PRKN: variants seen among roughly 807,000 people sequenced by gnomAD.
PRKN encodes the protein parkin RBR E3 ubiquitin protein ligase.
A neutral mutation model predicts 59.5 loss-of-function variants in PRKN; 56 were observed. That is an observed-to-expected ratio of 0.94 (90% confidence interval 0.76 to 1.18). PRKN has a LOEUF of 1.18. Ranked by LOEUF, PRKN falls within the 50% of genes most tolerant of loss-of-function variation. The pLI, the probability that PRKN is intolerant of heterozygous loss-of-function variation, is 0.00. For synonymous variants in PRKN, 250 were observed against 222.1 expected, an observed-to-expected ratio of 1.13 and a Z score of -1.12; for missense variants, 657 against 596.4, an observed-to-expected ratio of 1.10 and a Z score of -1.06.
At chr6:162,313,821 CA>C (rs778928629) in intron 2 of PRKN, among the ~76,000 whole-genome samples, 16 of 152,084 alleles carry the variant, frequency 1.1e-4, no homozygotes, top group Non-Finnish European at 2.2e-4. Flanking sequence ...ATTCACACAT[CA>C]ATGATTACCT....
At chr6:162,529,533 T>C (rs544796621) in intron 1 of PRKN, among the ~76,000 whole-genome samples, 25 of 152,168 alleles carry the variant, frequency 1.6e-4, no homozygotes, top group Non-Finnish European at 3.5e-4. Flanking sequence ...CAGGCAGGTC[T>C]ATGCAACCCA....
intron 8 of PRKN, among the ~76,000 whole-genome samples, chr6:161,565,362 A>G (rs1780601788): frequency 1.3e-5 from 2 of 152,074 alleles, no homozygotes; most frequent in African/African-American, 4.8e-5. Context: ...CAATTTCATT[A>G]TCCTCTCCTG....
chr6:161,404,841 A>T (rs1435660710), intron 9 of PRKN, among the ~76,000 whole-genome samples: 3 of 152,206 alleles, frequency 2.0e-5, no homozygotes, highest in Non-Finnish European at 4.4e-5. Context: ...ATTGCTACAG[A>T]GAACCTGACA....
intron 7 of PRKN, among the ~76,000 whole-genome samples, chr6:161,660,465 T>G (rs1416908790): frequency 6.6e-6 from 1 of 152,016 alleles, no homozygotes; most frequent in Non-Finnish European, 1.5e-5. Flanking sequence ...GAATAAAAAC[T>G]AAAAGGTCAT....
At chr6:161,919,903 A>G (rs1344352455) in intron 6 of PRKN, among the ~76,000 whole-genome samples, 2 of 152,220 alleles carry the variant, frequency 1.3e-5, no homozygotes, top group Non-Finnish European at 2.9e-5. Flanking sequence ...TACGTTTTTA[A>G]TTACTGTCAT....
chr6:161,580,743 G>C (rs534756734), intron 7 of PRKN, among the ~76,000 whole-genome samples: 4 of 151,948 alleles, frequency 2.6e-5, no homozygotes, highest in African/African-American at 9.6e-5. Flanking sequence ...CCCCCAAAGT[G>C]CTGCGATTAC....
chr6:162,239,475 T>C (rs1228330792), intron 3 of PRKN, among the ~76,000 whole-genome samples: 1 of 152,036 alleles, frequency 6.6e-6, no homozygotes, highest in African/African-American at 2.4e-5. Context: ...AGGCCCGGCA[T>C]GGTTAAGCGG....
intron 2 of PRKN, among the ~76,000 whole-genome samples, chr6:162,373,665 T>G (rs1274706003): frequency 2.6e-5 from 4 of 152,276 alleles, no homozygotes; most frequent in African/African-American, 9.6e-5. Context: ...TATAGGAAAT[T>G]TTAATACCCT....
intron 2 of PRKN, among the ~76,000 whole-genome samples, chr6:162,308,511 G>A (rs1782335908): frequency 6.6e-6 from 1 of 152,166 alleles, no homozygotes; most frequent in Admixed American, 6.5e-5. Flanking sequence ...ATGAGGTCAT[G>A]AAAGAAGAGA....
intron 1 of PRKN, among the ~76,000 whole-genome samples, chr6:162,660,652 G>A (rs1254138280): frequency 6.6e-6 from 1 of 152,088 alleles, no homozygotes; most frequent in East Asian, 1.9e-4. Flanking sequence ...GGAGGCTCCT[G>A]GAGGTAGAAC....
rs78931963 is a variant in PRKN at position 162,457,746 on chromosome 6, A to ATT, written c.8-14275_8-14274dup. ...TTTGTCTTATTAATAATGATGAAGT[A>ATT]TTTTTTTATAAATACTGCTTTGCTC... On this transcript the variant is annotated intron_variant, in intron 1 of 11. Transcript: ENST00000366898. Among the ~76,000 whole-genome samples, 8 of 152,080 alleles carry ATT rather than the reference A, an allele frequency of 5.3e-5. No individual in the cohort carries two copies. In the South Asian group the frequency reaches 1.2e-3, roughly 24 times the overall value.
At chr6:162,458,408 A>G (rs1254013071) in intron 1 of PRKN, among the ~76,000 whole-genome samples, 5 of 150,976 alleles carry the variant, frequency 3.3e-5, no homozygotes, top group African/African-American at 1.2e-4. Flanking sequence ...TCTGGGTGAT[A>G]AGAGCGAGAC....
Position 161,507,277 on chromosome 6 carries a change from C to T in PRKN, c.1083+41577G>A, listed in dbSNP as rs73591656. ...CTAAGATTCTGTGGGGCTAAGAAGA[C>T]GAGTGACTTTTTGTCTAAGTATCTT... is the stretch of plus-strand genomic sequence containing the variant. On this transcript the variant is annotated intron_variant, in intron 9 of 11. Coordinates refer to ENST00000366898, the MANE Select transcript of PRKN (RefSeq NM_004562.3). 5.5e-3 allele frequency among the ~76,000 whole-genome samples: 830 copies of T among 152,234 alleles called. 6 individuals are homozygous for T. The highest frequency in any genetic ancestry group is 0.018 in the African/African-American group (767 of 41,550).
chr6:162,578,208 T>C (rs2128210511), intron 1 of PRKN, among the ~76,000 whole-genome samples: 1 of 152,286 alleles, frequency 6.6e-6, no homozygotes, highest in East Asian at 1.9e-4. Flanking sequence ...ATATTAATGG[T>C]ACTGAGTGAA....
rs527696830 is a variant in PRKN at position 161,992,596 on chromosome 6, C to T, written c.619-19179G>A. ...ACTGGATTTAAATTGCACTTATGAC[C>T]AAATGGAATTAACAGACTTCTACAG... is the stretch of plus-strand genomic sequence containing the variant. On this transcript the variant is annotated intron_variant, in intron 5 of 11. Coordinates refer to ENST00000366898, the MANE Select transcript of PRKN (RefSeq NM_004562.3). Among the ~76,000 whole-genome samples the T allele has an allele frequency of 3.9e-5, 6 of 152,158 alleles. No individual in the cohort carries two copies. In the East Asian group the frequency reaches 1.2e-3, roughly 29 times the overall value.
chr6:162,112,889 C>T (rs572045837), intron 4 of PRKN, among the ~76,000 whole-genome samples: 45 of 152,246 alleles, frequency 3.0e-4, no homozygotes, highest in African/African-American at 1.0e-3. Context: ...CGCCACTGCA[C>T]TCCACCCTGC....
chr6:162,709,829 G>A (rs964247407), intron 1 of PRKN, among the ~76,000 whole-genome samples: 2 of 151,652 alleles, frequency 1.3e-5, no homozygotes, highest in African/African-American at 4.8e-5. Flanking sequence ...CCAGAGATTG[G>A]GTCCAGGAAT....
intron 9 of PRKN, among the ~76,000 whole-genome samples, chr6:161,512,153 A>G (rs1192228068): frequency 1.3e-5 from 2 of 152,246 alleles, no homozygotes; most frequent in Admixed American, 1.3e-4. Flanking sequence ...TCTACAAAGA[A>G]CAGTATTACT....
intron 6 of PRKN, among the ~76,000 whole-genome samples, chr6:161,897,711 G>A (rs9355955): frequency 0.48 from 71,816 of 151,052 alleles, 18,397 homozygotes; most frequent in African/African-American, 0.67. Context: ...GCCGGGCGCG[G>A]TGGCTCACGC....
Sources: allele counts gnomAD v4.1 joint callset (sites outside exome capture counted in the v4.1 genomes callset), GRCh38; gene constraint gnomAD v4.1.1; transcripts MANE v1.5; gene names NCBI Gene and HGNC (gene_info 2026-07-23, HGNC 2026-07-21).